PTPRC: variants seen among roughly 807,000 people sequenced by gnomAD.
PTPRC encodes the protein receptor-type tyrosine-protein phosphatase C.
PTPRC carries 44 observed loss-of-function variants against 155.9 expected under a neutral mutation model. That is an observed-to-expected ratio of 0.28 (90% CI 0.22 to 0.36). The LOEUF is 0.36. PTPRC is among the 10% of genes least tolerant of loss of function. PTPRC has a pLI of 1.00. For missense variants in PTPRC, 1,401 were observed against 1,564.6 expected (o/e 0.90, Z 1.76); for synonymous variants, 525 against 533.1 (o/e 0.98, Z 0.21).
At chr1:198,687,470 AT>A (rs1387282410) in intron 2 of PTPRC, among the ~76,000 whole-genome samples, 1 of 152,164 alleles carries the variant, frequency 6.6e-6, no homozygotes, top group Non-Finnish European at 1.5e-5. Flanking sequence ...TATTGCAGAT[AT>A]TTGGTTTTAT....
At chr1:198,703,515 A>T in intron 7 of PTPRC, 143 bp downstream of exon 7, 1 of 1,305,546 alleles carries the variant, frequency 7.7e-7, no homozygotes, top group Non-Finnish European at 1.1e-6. Flanking sequence ...ATGGAACAGC[A>T]GGAAGATATT....
At chr1:198,646,504 A>C (rs939206619) in intron 2 of PTPRC, among the ~76,000 whole-genome samples, 1 of 151,948 alleles carries the variant, frequency 6.6e-6, no homozygotes, top group Non-Finnish European at 1.5e-5. Context: ...TCAATGCTAC[A>C]AAAAATATAA....
chr1:198,674,129 G>GA (rs1181060498), intron 2 of PTPRC, among the ~76,000 whole-genome samples: 2 of 152,140 alleles, frequency 1.3e-5, no homozygotes, highest in Non-Finnish European at 1.5e-5. Context: ...AGTTGCATTT[G>GA]TTCCTCATAT....
chr1:198,728,956 C>A (rs1481932776), intron 16 of PTPRC, among the ~76,000 whole-genome samples, 181 bp from the exon 17 acceptor site: 1 of 151,982 alleles, frequency 6.6e-6, no homozygotes, highest in Non-Finnish European at 1.5e-5. Flanking sequence ...CTTCTGTCCT[C>A]CCTCTGCTCA....
chr1:198,752,690 G>A lies in PTPRC; in HGVS notation c.3427G>A (p.Val1143Ile), dbSNP rs747839384. ...EPKELISMIQ[V>I]VKQKLPQKNS... is the part of the protein sequence containing the mutation. ...CAAGGAATTAATCTCTATGATTCAG[G>A]TCGTCAAACAAAAACTTCCCCAGAA... The change falls in exon 31 of 33, where the codon GTC becomes ATC. Residue 1143 changes from valine (V) to isoleucine (I), a missense_variant. Transcript: ENST00000442510. The A allele has an allele frequency of 6.2e-7, 1 of 1,612,748 alleles. No individual in the cohort carries two copies. The highest frequency in any genetic ancestry group is 8.5e-7 in the Non-Finnish European group (1 of 1,179,352).
In PTPRC at chr1:198,756,262, T is replaced by C; in HGVS notation, c.*81T>C. 5 of 1,525,756 alleles carry C rather than the reference T, an allele frequency of 3.3e-6. No individual in the cohort carries two copies. The highest frequency in any genetic ancestry group is 4.5e-6 in the Non-Finnish European group (5 of 1,111,656). The allele number at this position is 1,525,756 out of a possible 1,614,324, so 94.5% of individuals were successfully genotyped here. On this transcript the variant is annotated 3_prime_UTR_variant, in exon 33 of 33. Transcript: ENST00000442510. Reference sequence around the variant, plus strand: ...TGTAGAAGTAGGAAGTGAAAATAGGTATACAGTGGATTAATTAAATGCAGC... The same window carrying C: ...TGTAGAAGTAGGAAGTGAAAATAGGCATACAGTGGATTAATTAAATGCAGC...
intron 13 of PTPRC, 98 bp downstream of exon 13, chr1:198,716,938 A>G (rs1653620640): frequency 1.7e-6 from 2 of 1,145,554 alleles, no homozygotes; most frequent in Non-Finnish European, 2.6e-6. Context: ...TAGCAAGCAC[A>G]TTTACCTGGC....
chr1:198,731,590 AG>A, intron 17 of PTPRC, 26 bp from the exon 18 acceptor site: 1 of 1,501,438 alleles, frequency 6.7e-7, no homozygotes, highest in Non-Finnish European at 9.3e-7. Flanking sequence ...ACATGTAACT[AG>A]TATTGAATCT....
rs1655514886 is a variant in PTPRC at position 198,754,175 on chromosome 1, C to CA, written c.3510-88dup. 5.7e-6 allele frequency: 8 copies of CA among 1,412,410 alleles called. No individual in the cohort carries two copies. In the African/African-American group the frequency reaches 8.6e-5, roughly 15 times the overall value. 87.5% of individuals were successfully genotyped at this position (1,412,410 alleles called of 1,614,324 possible). On this transcript the variant is annotated intron_variant, in intron 31 of 32. Coordinates refer to ENST00000442510, the MANE Select transcript of PTPRC (RefSeq NM_002838.5). ...TAAGATAATTATGATAAACATGAAG[C>CA]AAAAAATATATTCTCTCTCTTCCTG... is the stretch of plus-strand genomic sequence containing the variant.
chr1:198,754,418 A>T lies in PTPRC; in HGVS notation c.3645+14A>T, dbSNP rs199753199. The T allele has an allele frequency of 6.3e-4, 1,018 of 1,613,138 alleles. No individual in the cohort carries two copies. The highest frequency in any genetic ancestry group is 8.1e-4 in the Non-Finnish European group (956 of 1,179,548). On this transcript the variant is annotated intron_variant, in intron 32 of 32. Coordinates refer to ENST00000442510, the MANE Select transcript of PTPRC (RefSeq NM_002838.5). ...GTTTCCACATTCGTAAGTATCCTTC[A>T]CCATTGCTTTTAACATGCTCGGAAT...
chr1:198,671,321 G>T (rs1664633780), intron 2 of PTPRC, among the ~76,000 whole-genome samples: 1 of 151,976 alleles, frequency 6.6e-6, no homozygotes, highest in African/African-American at 2.4e-5. Context: ...CCTCTCAGAG[G>T]CATTTAACGC....
At chr1:198,724,170 G>T (rs1654019884) in intron 15 of PTPRC, among the ~76,000 whole-genome samples, 1 of 152,120 alleles carries the variant, frequency 6.6e-6, no homozygotes, top group Admixed American at 6.5e-5. Context: ...AGACAACATT[G>T]TATTCACTCT....
At chr1:198,647,845 C>T (rs1663021536) in intron 2 of PTPRC, among the ~76,000 whole-genome samples, 1 of 151,774 alleles carries the variant, frequency 6.6e-6, no homozygotes, top group African/African-American at 2.4e-5. Flanking sequence ...GGACACCTAT[C>T]CCATGAAGCC....
rs765815787 is a variant in PTPRC at position 198,752,646 on chromosome 1, A to G, written c.3383A>G (p.Glu1128Gly). Reference protein sequence around the residue: ...YQYQYTNWSVEQLPAEPKELI... With the variant: ...YQYQYTNWSVGQLPAEPKELI... ...TACCAATATACAAACTGGAGTGTGG[A>G]GCAGCTTCCTGCAGAACCCAAGGAA... The change falls in exon 31 of 33, where the codon GAG becomes GGG. Residue 1128 changes from glutamate to glycine, a missense_variant. Physicochemically the swap from Glu to Gly is moderately conservative, Grantham distance 98. Coordinates refer to ENST00000442510, the MANE Select transcript of PTPRC (RefSeq NM_002838.5). 5.8e-5 allele frequency: 93 copies of G among 1,612,724 alleles called. No individual in the cohort carries two copies. Among genetic ancestry groups the G allele is most frequent in the Admixed American group, 5.3e-4 (32 of 59,842 alleles).
At chr1:198,752,801 C>G (rs758087952) in intron 31 of PTPRC, 29 bp downstream of exon 31, 1 of 1,602,630 alleles carries the variant, frequency 6.2e-7, no homozygotes, top group East Asian at 2.2e-5. Flanking sequence ...AATGTGCTCT[C>G]AAAATCATAA....
At chr1:198,712,402 T>C (rs139305242) in intron 11 of PTPRC, among the ~76,000 whole-genome samples, 87 of 152,316 alleles carry the variant, frequency 5.7e-4, no homozygotes, top group African/African-American at 2.1e-3. Context: ...AAATTTTCTT[T>C]ATCTTGATTG....
At chr1:198,721,190 G>A (rs1345806327) in intron 14 of PTPRC, among the ~76,000 whole-genome samples, 3 of 152,092 alleles carry the variant, frequency 2.0e-5, no homozygotes, top group Non-Finnish European at 4.4e-5. Context: ...CCACTATCAT[G>A]TTTTGTGTTC....
chr1:198,732,408 G>T lies in PTPRC; in HGVS notation c.2065+18G>T. On this transcript the variant is annotated intron_variant, in intron 19 of 32. Transcript: ENST00000442510. Reference sequence around the variant, plus strand: ...TCTTCCTTGTGAGTATTTATTGAGTGCTGAATTCCCATATATTAGGCTACT... The same window carrying T: ...TCTTCCTTGTGAGTATTTATTGAGTTCTGAATTCCCATATATTAGGCTACT... 1 of 1,603,272 alleles carries T rather than the reference G, an allele frequency of 6.2e-7. No homozygotes were observed. Among genetic ancestry groups the T allele is most frequent in the Non-Finnish European group, 8.5e-7 (1 of 1,170,794 alleles).
chr1:198,711,115 T>C (rs1052390477), intron 11 of PTPRC, among the ~76,000 whole-genome samples: 2 of 152,136 alleles, frequency 1.3e-5, no homozygotes, highest in East Asian at 3.9e-4. Flanking sequence ...TGAGCCACCA[T>C]GCCCGGCCCG....
Sources: allele counts gnomAD v4.1 joint callset (sites outside exome capture counted in the v4.1 genomes callset), GRCh38; gene constraint gnomAD v4.1.1; transcripts MANE v1.5; gene names NCBI Gene and HGNC (gene_info 2026-07-23, HGNC 2026-07-21).